SUCLG2: variants seen among roughly 807,000 people sequenced by gnomAD.
The protein encoded by SUCLG2 is succinate-CoA ligase GDP-forming subunit beta, also known as succinate--CoA ligase [GDP-forming] subunit beta, mitochondrial.
Under a neutral mutation model 47.9 loss-of-function variants are expected in SUCLG2, and 42 were observed. The ratio of observed to expected loss-of-function variants is 0.88; its 90% CI spans 0.69 to 1.14. The LOEUF (loss-of-function observed/expected upper bound fraction) is 1.14. SUCLG2 is among the 50% of genes most tolerant of loss of function. SUCLG2 has a pLI of 0.00. For synonymous variants in SUCLG2, 195 were observed against 197.3 expected (o/e 0.99, Z 0.10); for missense variants, 571 against 525.9 (o/e 1.09, Z -0.84).
intron 9 of SUCLG2, among the ~76,000 whole-genome samples, chr3:67,405,773 C>T (rs1185225400): frequency 6.6e-6 from 1 of 152,162 alleles, no homozygotes; most frequent in Non-Finnish European, 1.5e-5. Flanking sequence ...TGTACATAAT[C>T]CTCTAGAGTT....
chr3:67,543,496 G>C (rs1706774619), intron 2 of SUCLG2, among the ~76,000 whole-genome samples: 1 of 152,044 alleles, frequency 6.6e-6, no homozygotes, highest in African/African-American at 2.4e-5. Context: ...GTGAAACCCT[G>C]TCTCTACAAA....
At chr3:67,380,707 T>G (rs77210093) in intron 10 of SUCLG2, among the ~76,000 whole-genome samples, 7 of 150,346 alleles carry the variant, frequency 4.7e-5, no homozygotes, top group Admixed American at 2.7e-4. Flanking sequence ...GAGAGGGAGA[T>G]AGAGAGAGAG....
At chr3:67,381,464 A>C (rs1349963645) in intron 10 of SUCLG2, among the ~76,000 whole-genome samples, 2 of 152,206 alleles carry the variant, frequency 1.3e-5, no homozygotes, top group Non-Finnish European at 2.9e-5. Flanking sequence ...TCTGACATGG[A>C]ATTAAGTGTT....
chr3:67,625,647 A>C (rs751265303), intron 1 of SUCLG2, among the ~76,000 whole-genome samples: 1 of 152,154 alleles, frequency 6.6e-6, no homozygotes, highest in Non-Finnish European at 1.5e-5. Flanking sequence ...CTAGACATGA[A>C]AGCTACTCAC....
intron 10 of SUCLG2, among the ~76,000 whole-genome samples, chr3:67,379,154 C>A (rs1426675676): frequency 1.3e-5 from 2 of 152,150 alleles, no homozygotes; most frequent in African/African-American, 4.8e-5. Context: ...ACCATGTTGG[C>A]CAGGCTGATC....
At chr3:67,582,882 C>A (rs1469373468) in intron 2 of SUCLG2, among the ~76,000 whole-genome samples, 12 of 152,008 alleles carry the variant, frequency 7.9e-5, no homozygotes, top group African/African-American at 2.4e-4. Context: ...AAAAAAAACA[C>A]CTTTTATTAC....
chr3:67,381,889 A>G (rs66779211), intron 10 of SUCLG2, among the ~76,000 whole-genome samples: 13,463 of 152,238 alleles, frequency 0.088, 704 homozygotes, highest in Admixed American at 0.14. Context: ...AGAGCTGTAA[A>G]CAAAGATGCA....
intron 2 of SUCLG2, among the ~76,000 whole-genome samples, chr3:67,601,594 G>C (rs1708419286): frequency 6.6e-6 from 1 of 152,012 alleles, no homozygotes; most frequent in Admixed American, 6.5e-5. Flanking sequence ...AGGCCCCCAG[G>C]GTAAAATATT....
intron 4 of SUCLG2, among the ~76,000 whole-genome samples, chr3:67,521,104 G>T (rs1037132379): frequency 1.3e-5 from 2 of 152,006 alleles, no homozygotes; most frequent in Admixed American, 1.3e-4. Context: ...CTGTCTCTTC[G>T]ATCACTATAT....
chr3:67,581,650 C>G (rs1707880583), intron 2 of SUCLG2, among the ~76,000 whole-genome samples: 1 of 152,202 alleles, frequency 6.6e-6, no homozygotes, highest in East Asian at 1.9e-4. Flanking sequence ...GAAAAGAAAA[C>G]AAAGACAAAA....
chr3:67,362,609 G>A (rs1012734790), intron 10 of SUCLG2, among the ~76,000 whole-genome samples: 1 of 152,154 alleles, frequency 6.6e-6, no homozygotes, highest in Non-Finnish European at 1.5e-5. Flanking sequence ...GGTCGCCACT[G>A]TATCCTAACG....
chr3:67,430,499 G>GA (rs1198203742), intron 9 of SUCLG2, among the ~76,000 whole-genome samples: 22 of 152,218 alleles, frequency 1.4e-4, no homozygotes, highest in Admixed American at 1.4e-3. Flanking sequence ...GAGAAAGCAG[G>GA]AAAGATCCAA....
At chr3:67,466,619 G>A (rs1036375124) in intron 9 of SUCLG2, among the ~76,000 whole-genome samples, 7 of 152,262 alleles carry the variant, frequency 4.6e-5, no homozygotes, top group South Asian at 4.1e-4. Flanking sequence ...GATGGCATCC[G>A]GCAAGATGAG....
chr3:67,488,744 A>G (rs1003017878), intron 9 of SUCLG2, among the ~76,000 whole-genome samples: 2 of 152,184 alleles, frequency 1.3e-5, no homozygotes, highest in African/African-American at 4.8e-5. Flanking sequence ...ATGCAATAAC[A>G]TTAAGGAAAA....
chr3:67,515,749 T>C (rs774803877), intron 6 of SUCLG2, among the ~76,000 whole-genome samples: 1 of 152,154 alleles, frequency 6.6e-6, no homozygotes, highest in Non-Finnish European at 1.5e-5. Context: ...CATTGTACAC[T>C]GGCCCTCTAG....
intron 9 of SUCLG2, among the ~76,000 whole-genome samples, chr3:67,475,295 G>A (rs1433571120): frequency 3.9e-5 from 6 of 152,110 alleles, no homozygotes. Context: ...CAAAGAAAAT[G>A]TTTTTCATTT....
At chr3:67,581,176 C>T (rs1007369677) in intron 2 of SUCLG2, among the ~76,000 whole-genome samples, 3 of 152,182 alleles carry the variant, frequency 2.0e-5, no homozygotes, top group African/African-American at 7.2e-5. Flanking sequence ...GCGCATGTCA[C>T]CAACGCTGGT....
chr3:67,509,834 C>T (rs1347239258), intron 6 of SUCLG2, among the ~76,000 whole-genome samples: 2 of 152,162 alleles, frequency 1.3e-5, no homozygotes, highest in Admixed American at 6.5e-5. Flanking sequence ...GCAGCAGATC[C>T]GTTTTCAGTT....
At chr3:67,497,325 T>A (rs557851882) in intron 8 of SUCLG2, among the ~76,000 whole-genome samples, 1 of 152,314 alleles carries the variant, frequency 6.6e-6, no homozygotes, top group East Asian at 1.9e-4. Context: ...GACCTCAGTT[T>A]CCAGTACAAT....
Sources: gnomAD v4.1 joint callset for allele counts (sites outside exome capture counted in the v4.1 genomes callset) on GRCh38, gnomAD v4.1.1 for gene constraint, MANE v1.5 for transcripts, NCBI Gene and HGNC (gene_info 2026-07-23, HGNC 2026-07-21) for gene names.